The following WNK2 variants were observed in gnomAD, a reference collection of about 807,000 sequenced individuals.
WNK2 encodes serine/threonine-protein kinase WNK2.
A neutral mutation model predicts 192.1 loss-of-function variants in WNK2; 67 were observed. That is an observed-to-expected ratio of 0.35 (90% confidence interval 0.29 to 0.43). The LOEUF (loss-of-function observed/expected upper bound fraction) is 0.43, where lower values mean the gene tolerates loss of function less well. Ranked by LOEUF, WNK2 falls within the 20% of genes least tolerant of loss-of-function variation. The pLI is 1.00. For synonymous variants in WNK2, 1,439 were observed against 1,393.9 expected, an observed-to-expected ratio of 1.03 and a Z score of -0.72; for missense variants, 2,698 against 3,089.7, an observed-to-expected ratio of 0.87 and a Z score of 3.01.
Position 93,292,653 on chromosome 9 carries a change from C to A in WNK2, c.5188C>A (p.Arg1730=). ...TLGARALGSP[R]KRPEQQDVSS... ...CGGCGCTCGAGCTTTGGGGTCCCCT[C>A]GGAAACGTCCAGAGCAGCAGGATGT... The change falls in exon 23 of 30, where the codon CGG becomes AGG. Residue 1730 remains arginine (R), a synonymous_variant. Coordinates refer to ENST00000427277, the MANE Select transcript of WNK2 (RefSeq NM_006648.4). 1.3e-6 allele frequency: 2 copies of A among 1,580,066 alleles called. No homozygotes were observed. Among genetic ancestry groups the A allele is most frequent in the Non-Finnish European group, 1.7e-6 (2 of 1,164,312 alleles).
intron 28 of WNK2, chr9:93,309,287 G>A (rs576724775): frequency 4.0e-5 from 11 of 278,066 alleles, no homozygotes; most frequent in African/African-American, 1.4e-4. Flanking sequence ...AAACAGAAGA[G>A]TGAACATCCA....
In WNK2 at chr9:93,252,951, G is replaced by T; in HGVS notation, c.1903G>T (p.Val635Leu). ...AGACTCGCAGAGCAGCCAGCAGAGC[G>T]TGATGCTTGGCTCCCTTGCCGACGC... ...YSDSQSSQQSVMLGSLADAAP... is the reference protein window; with the variant it reads ...YSDSQSSQQSLMLGSLADAAP... The change falls in exon 9 of 30, where the codon GTG becomes TTG. Residue 635 changes from valine (V) to leucine (L), a missense_variant. This residue lies in a region of WNK2 where 893 missense variants were observed against 909.0 expected (regional missense o/e 0.98). Transcript: ENST00000427277. 6.3e-7 allele frequency: 1 copy of T among 1,578,046 alleles called. No individual in the cohort carries two copies. The highest frequency in any genetic ancestry group is 1.8e-5 in the Admixed American group (1 of 55,074).
chr9:93,264,100 C>T, intron 16 of WNK2, 67 bp downstream of exon 16: 1 of 1,230,070 alleles, frequency 8.1e-7, no homozygotes, highest in Non-Finnish European at 1.2e-6. Context: ...GAGCAGAGCG[C>T]CACAGGTCAC....
At chr9:93,255,858 G>A (rs970991903) in intron 9 of WNK2, among the ~76,000 whole-genome samples, 1 of 152,160 alleles carries the variant, frequency 6.6e-6, no homozygotes, top group Non-Finnish European at 1.5e-5. Context: ...TTCTTTTGAG[G>A]TCTGTGTTCA....
At position 93,185,226 on chromosome 9, in the gene WNK2, A is replaced by G; in HGVS notation, c.297A>G (p.Ala99=). ...ARGRPAAPAP[A]ALVAQPGAPG... ...GACGCCCCGCCGCCCCCGCGCCCGCAGCGCTGGTAGCGCAGCCGGGAGCCC... is the reference window on the plus strand; with the variant it reads ...GACGCCCCGCCGCCCCCGCGCCCGCGGCGCTGGTAGCGCAGCCGGGAGCCC... Residue 99 remains alanine (A), a synonymous_variant, in exon 2 of 30, where the codon GCA becomes GCG. Transcript: ENST00000427277. 8.4e-7 allele frequency: 1 copy of G among 1,188,048 alleles called. No individual in the cohort carries two copies. The highest frequency in any genetic ancestry group is 1.0e-6 in the Non-Finnish European group (1 of 962,362). The allele number at this position is 1,188,048 out of a possible 1,614,324, so 73.6% of individuals were successfully genotyped here.
chr9:93,306,099 AAGG>A (rs1321887147), intron 26 of WNK2, among the ~76,000 whole-genome samples: 1 of 152,198 alleles, frequency 6.6e-6, no homozygotes, highest in Non-Finnish European at 1.5e-5. Flanking sequence ...TCCCAGTTAG[AAGG>A]AGGCCAGAAA....
chr9:93,186,078 AGT>A (rs1296506825), intron 2 of WNK2, among the ~76,000 whole-genome samples: 1 of 152,048 alleles, frequency 6.6e-6, no homozygotes, highest in East Asian at 1.9e-4. Context: ...CCCATAAATT[AGT>A]ACTTTCCTGT....
intron 19 of WNK2, among the ~76,000 whole-genome samples, chr9:93,279,690 G>A (rs978821963): frequency 3.3e-5 from 5 of 152,072 alleles, no homozygotes; most frequent in African/African-American, 1.2e-4. Context: ...AAGACAATGT[G>A]GTATTGATGC....
chr9:93,289,633 C>T lies in WNK2; in HGVS notation c.4866+13C>T, dbSNP rs1848997459. On this transcript the variant is annotated intron_variant, in intron 20 of 29. Coordinates refer to ENST00000427277, the MANE Select transcript of WNK2 (RefSeq NM_006648.4). ...GCCCCAGCCCTTGGTGAGTAGCTGC[C>T]TTGTCCCAGAGACACTGCCCTGGGT... is the stretch of plus-strand genomic sequence containing the variant. 2 of 1,451,670 alleles carry T rather than the reference C, an allele frequency of 1.4e-6. No homozygotes were observed. The highest frequency in any genetic ancestry group is 2.6e-5 in the Admixed American group (1 of 37,984). The allele number at this position is 1,451,670 out of a possible 1,614,324, so 89.9% of individuals were successfully genotyped here.
At chr9:93,220,632 G>C in intron 2 of WNK2, among the ~76,000 whole-genome samples, 1 of 152,204 alleles carries the variant, frequency 6.6e-6, no homozygotes, top group South Asian at 2.1e-4. Context: ...AGACCTCCAT[G>C]GGGTGGCCTG....
intron 2 of WNK2, among the ~76,000 whole-genome samples, chr9:93,227,507 C>T (rs1386439409): frequency 1.3e-5 from 2 of 152,110 alleles, no homozygotes; most frequent in African/African-American, 2.4e-5. Flanking sequence ...GATGCTCAGC[C>T]TCTTTCCGTG....
intron 6 of WNK2, 50 bp downstream of exon 6, chr9:93,238,371 C>T (rs1840177837): frequency 6.5e-7 from 1 of 1,533,284 alleles, no homozygotes; most frequent in Non-Finnish European, 9.0e-7. Context: ...CAGCTGAACT[C>T]ATTCCAGCTT....
chr9:93,227,106 G>A (rs915796190), intron 2 of WNK2, among the ~76,000 whole-genome samples: 1 of 149,722 alleles, frequency 6.7e-6, no homozygotes, highest in Admixed American at 6.6e-5. Context: ...CCAGCAGCTG[G>A]AAGTATCCAC....
At chr9:93,256,641 G>T in intron 10 of WNK2, 187 bp downstream of exon 10, 1 of 573,630 alleles carries the variant, frequency 1.7e-6, no homozygotes, top group Non-Finnish European at 2.8e-6. Flanking sequence ...GTGTGTGTAC[G>T]TGTGTGTGTG....
At chr9:93,310,889 A>G (rs573485293) in intron 28 of WNK2, among the ~76,000 whole-genome samples, 2 of 152,306 alleles carry the variant, frequency 1.3e-5, no homozygotes, top group Admixed American at 1.3e-4. Flanking sequence ...GCTGGAGCCC[A>G]GGAGTTGGAG....
chr9:93,207,220 T>G (rs1170096653), intron 2 of WNK2, among the ~76,000 whole-genome samples: 1 of 152,172 alleles, frequency 6.6e-6, no homozygotes, highest in East Asian at 1.9e-4. Flanking sequence ...TGACAAACCT[T>G]AAGTCCCAAC....
At chr9:93,218,687 A>G (rs1164980347) in intron 2 of WNK2, among the ~76,000 whole-genome samples, 1 of 152,230 alleles carries the variant, frequency 6.6e-6, no homozygotes, top group East Asian at 1.9e-4. Context: ...AGAACAGGAA[A>G]GGCCTCCTCC....
At position 93,185,617 on chromosome 9, in the gene WNK2, G is replaced by A. The variant is rs760580175; in HGVS notation, c.681+7G>A. ...GGCCTGGTGTGAGCTGCAGGTGAGG[G>A]TGCCCCAGCCCGCAGGGGGCTTTCC... On this transcript the variant is annotated splice_region_variant and intron_variant, in intron 2 of 29. Transcript: ENST00000427277. 1.2e-6 allele frequency: 2 copies of A among 1,606,610 alleles called. No individual in the cohort carries two copies. The highest frequency in any genetic ancestry group is 1.1e-5 in the South Asian group (1 of 90,042).
chr9:93,283,268 C>T (rs1379742238), intron 19 of WNK2, among the ~76,000 whole-genome samples: 4 of 151,834 alleles, frequency 2.6e-5, no homozygotes, highest in Non-Finnish European at 4.4e-5. Context: ...GAAAATGGAA[C>T]CCAAATAAAG....
Sources: allele counts gnomAD v4.1 joint callset (sites outside exome capture counted in the v4.1 genomes callset), GRCh38; gene constraint gnomAD v4.1.1; regional missense constraint gnomAD v4.1.1; transcripts MANE v1.5; gene names NCBI Gene and HGNC (gene_info 2026-07-23, HGNC 2026-07-21).